Variants in CUX2 observed in about 807,000 individuals in gnomAD.
CUX2 encodes homeobox protein cut-like 2.
In CUX2, 40 loss-of-function variants were observed where a neutral mutation model predicts 144.8. The ratio of observed to expected loss-of-function variants is 0.28; its 90% CI spans 0.21 to 0.36. The LOEUF (loss-of-function observed/expected upper bound fraction) is 0.36, where lower values mean the gene tolerates loss of function less well. Among genes scored for constraint, CUX2 ranks in the 10% least tolerant of loss-of-function variants. The pLI, the probability that CUX2 is intolerant of heterozygous loss-of-function variation, is 1.00. For synonymous variants in CUX2, 827 were observed against 875.6 expected, an observed-to-expected ratio of 0.94 and a Z score of 0.98; for missense variants, 1,615 against 1,994.0, an observed-to-expected ratio of 0.81 and a Z score of 3.62.
At chr12:111,226,903 C>G (rs1987176) in intron 3 of CUX2, among the ~76,000 whole-genome samples, 2 of 152,240 alleles carry the variant, frequency 1.3e-5, no homozygotes, top group African/African-American at 4.8e-5. Context: ...TTTTAATGGA[C>G]TGCATTATGG....
In CUX2 at chr12:111,287,722, C is replaced by T. The variant is rs1049611405; in HGVS notation, c.302-3696C>T. ...GATGAAAGCCACCGCCGCCTTCCCG[C>T]GCACCTGCTTACCTCGGCATGGACG... is the stretch of plus-strand genomic sequence containing the variant. On this transcript the variant is annotated intron_variant, in intron 4 of 21. Coordinates refer to ENST00000261726, the MANE Select transcript of CUX2 (RefSeq NM_015267.4). The surrounding 1 kb of genome is among the most constrained non-coding windows in gnomAD (Gnocchi z 4.2). Among the ~76,000 whole-genome samples the T allele has an allele frequency of 3.9e-5, 6 of 152,262 alleles. No homozygotes were observed. The highest frequency in any genetic ancestry group is 1.2e-4 in the African/African-American group (5 of 41,468).
intron 21 of CUX2, among the ~76,000 whole-genome samples, chr12:111,342,699 CTG>C (rs1161310862): frequency 6.6e-6 from 1 of 151,896 alleles, no homozygotes. Context: ...TGGCTCACAC[CTG>C]TAATCCCAAC....
At chr12:111,283,941 G>A (rs1431298730) in intron 4 of CUX2, among the ~76,000 whole-genome samples, 4 of 152,110 alleles carry the variant, frequency 2.6e-5, no homozygotes, top group Non-Finnish European at 2.9e-5. Context: ...CAGCCTGGCC[G>A]AGACTTTGTC....
At chr12:111,051,413 T>G (rs1456656510) in intron 1 of CUX2, among the ~76,000 whole-genome samples, 3 of 152,236 alleles carry the variant, frequency 2.0e-5, no homozygotes, top group African/African-American at 7.2e-5. Flanking sequence ...TTCTATTAGG[T>G]GCATATATAC....
intron 1 of CUX2, among the ~76,000 whole-genome samples, chr12:111,110,501 G>C (rs1873874763): frequency 6.6e-6 from 1 of 152,128 alleles, no homozygotes; most frequent in South Asian, 2.1e-4. Context: ...TATCTGAGCA[G>C]GCTGCATTCT....
At chr12:111,300,895 A>C (rs1886258304) in intron 9 of CUX2, among the ~76,000 whole-genome samples, 1 of 152,022 alleles carries the variant, frequency 6.6e-6, no homozygotes, top group Non-Finnish European at 1.5e-5. Context: ...AAAACTATCC[A>C]GGCATGGTGG....
chr12:111,322,651 G>T lies in CUX2; in HGVS notation c.2926+71G>T. 1 of 1,548,626 alleles carries T rather than the reference G, an allele frequency of 6.5e-7. No individual in the cohort carries two copies. Among genetic ancestry groups the T allele is most frequent in the Non-Finnish European group, 8.7e-7 (1 of 1,151,170 alleles). ...ACCTGCGCAGTGGCATGTCCGCCTG[G>T]CTTTACTGCCCGAGTCTACCTATCT... is the stretch of plus-strand genomic sequence containing the variant. On this transcript the variant is annotated intron_variant, in intron 18 of 21. Coordinates refer to ENST00000261726, the MANE Select transcript of CUX2 (RefSeq NM_015267.4). This position sits in a 1 kb window ranked among gnomAD's most constrained non-coding sequence, Gnocchi z 4.2.
At chr12:111,346,338 T>C (rs1189073604) in intron 21 of CUX2, among the ~76,000 whole-genome samples, 1 of 151,582 alleles carries the variant, frequency 6.6e-6, no homozygotes, top group Non-Finnish European at 1.5e-5. Flanking sequence ...TAGCCTGGCA[T>C]GATGGCGCCC....
intron 3 of CUX2, among the ~76,000 whole-genome samples, chr12:111,239,426 C>CT (rs906007770): frequency 7.2e-5 from 11 of 152,304 alleles, no homozygotes; most frequent in African/African-American, 2.2e-4. Context: ...ATCTATCAAT[C>CT]TGAGAAGTCG....
Position 111,234,720 on chromosome 12 carries a change from T to C in CUX2, c.222+16783T>C, listed in dbSNP as rs528274130. Among the ~76,000 whole-genome samples the C allele has an allele frequency of 3.3e-4, 50 of 150,448 alleles. No homozygotes were observed. The South Asian group carries it at 6.1e-3, about 18-fold the overall frequency. On this transcript the variant is annotated intron_variant, in intron 3 of 21. Transcript: ENST00000261726. ...GAGGCAAGCCACTTCCCCTTTCTTT[T>C]TTTTTTTTTTTTTTCTGAGACAGAG...
At chr12:111,121,050 A>G (rs1020686231) in intron 1 of CUX2, among the ~76,000 whole-genome samples, 4 of 150,196 alleles carry the variant, frequency 2.7e-5, no homozygotes, top group African/African-American at 9.8e-5. Flanking sequence ...GGCTGCATCG[A>G]CGCTGGTAGT....
chr12:111,242,221 T>C (rs1043121417), intron 3 of CUX2, among the ~76,000 whole-genome samples: 4 of 152,250 alleles, frequency 2.6e-5, no homozygotes, highest in African/African-American at 9.6e-5. Context: ...AGAACTGTTA[T>C]TATCCCCATC....
intron 1 of CUX2, among the ~76,000 whole-genome samples, chr12:111,185,810 C>T (rs559160232): frequency 6.6e-6 from 1 of 152,270 alleles, no homozygotes; most frequent in Non-Finnish European, 1.5e-5. Context: ...AAGCTGGGGG[C>T]TTGACAGTAC....
rs753656325 is a variant in CUX2, at chr12:111,037,934, A to AGCTT, written c.63+3696_63+3699dup. On this transcript the variant is annotated intron_variant, in intron 1 of 21. Transcript: ENST00000261726. This position sits in a 1 kb window ranked among gnomAD's most constrained non-coding sequence, Gnocchi z 5.4. ...CCATCTGTGTTTCTGGGGAGAAAGG[A>AGCTT]GCTTGGTCAATAGGATTACATAGTA... is the stretch of plus-strand genomic sequence containing the variant. 2.0e-4 allele frequency among the ~76,000 whole-genome samples: 31 copies of AGCTT among 152,142 alleles called. No individual in the cohort carries two copies. The highest frequency in any genetic ancestry group is 3.7e-4 in the Non-Finnish European group (25 of 68,026).
intron 1 of CUX2, among the ~76,000 whole-genome samples, chr12:111,102,551 A>G (rs1229505330): frequency 1.3e-5 from 2 of 152,248 alleles, no homozygotes; most frequent in Admixed American, 6.5e-5. Flanking sequence ...ACTCAGGCTC[A>G]TTCAGTGAGG....
intron 1 of CUX2, among the ~76,000 whole-genome samples, chr12:111,202,664 G>T (rs1338761831): frequency 6.6e-6 from 1 of 152,218 alleles, no homozygotes; most frequent in Non-Finnish European, 1.5e-5. Context: ...CCTTGTGCTT[G>T]TGGAGCTGAC....
Position 111,131,866 on chromosome 12 carries a change from G to A in CUX2, c.64-82334G>A, listed in dbSNP as rs11830860. ...CCCTCTCAGACACTCCCACGGGCTGGCATCAAGTATCTACAGCTCTTCCAG... is the reference window on the plus strand; with the variant it reads ...CCCTCTCAGACACTCCCACGGGCTGACATCAAGTATCTACAGCTCTTCCAG... On this transcript the variant is annotated intron_variant, in intron 1 of 21. Coordinates refer to ENST00000261726, the MANE Select transcript of CUX2 (RefSeq NM_015267.4). Among the ~76,000 whole-genome samples the A allele has an allele frequency of 9.7e-3, 1,474 of 152,264 alleles. 30 individuals carry two copies. Among genetic ancestry groups the A allele is most frequent in the African/African-American group, 0.034 (1,416 of 41,536 alleles).
chr12:111,181,106 C>G (rs1879143223), intron 1 of CUX2, among the ~76,000 whole-genome samples: 1 of 152,354 alleles, frequency 6.6e-6, no homozygotes, highest in Middle Eastern at 3.4e-3. Flanking sequence ...ATTGAAATAA[C>G]CAGGCGGAAT....
At chr12:111,213,717 T>A (rs557427608) in intron 1 of CUX2, among the ~76,000 whole-genome samples, 34 of 152,314 alleles carry the variant, frequency 2.2e-4, no homozygotes, top group Non-Finnish European at 4.1e-4. Context: ...TAAGTGTAAG[T>A]AAGTCATAGT....
Sources: allele counts gnomAD v4.1 joint callset (sites outside exome capture counted in the v4.1 genomes callset), GRCh38; gene constraint gnomAD v4.1.1; non-coding constraint Gnocchi (gnomAD v3.1); transcripts MANE v1.5; gene names NCBI Gene and HGNC (gene_info 2026-07-23, HGNC 2026-07-21).